Variants in TK2 observed in about 807,000 individuals in gnomAD.
The protein encoded by TK2 is thymidine kinase 2.
Under a neutral mutation model 41.9 loss-of-function variants are expected in TK2, and 35 were observed. The ratio of observed to expected loss-of-function variants is 0.84; its 90% CI spans 0.64 to 1.11. The LOEUF is 1.11. TK2 is among the 50% of genes least tolerant of loss of function. The probability of loss-of-function intolerance (pLI) is 0.00; values close to 1 mark genes in which losing one functional copy is unlikely to be tolerated. For missense variants in TK2, 320 were observed against 351.1 expected, an observed-to-expected ratio of 0.91 and a Z score of 0.71; for synonymous variants, 128 against 129.1, an observed-to-expected ratio of 0.99 and a Z score of 0.06.
chr16:66,527,413 G>C (rs1025295475), intron 6 of TK2, among the ~76,000 whole-genome samples: 1 of 152,164 alleles, frequency 6.6e-6, no homozygotes, highest in Non-Finnish European at 1.5e-5. Context: ...TCAAATGAAA[G>C]GTGCAAAACA....
intron 6 of TK2, among the ~76,000 whole-genome samples, chr16:66,520,043 A>G (rs1964734402): frequency 1.3e-5 from 2 of 152,178 alleles, no homozygotes; most frequent in Admixed American, 6.5e-5. Flanking sequence ...AGAGAAGAGT[A>G]TTTGACAGAG....
chr16:66,528,498 C>T (rs1965004208), intron 6 of TK2, among the ~76,000 whole-genome samples: 1 of 152,240 alleles, frequency 6.6e-6, no homozygotes, highest in Non-Finnish European at 1.5e-5. Flanking sequence ...ACTGGACCCT[C>T]CCACCTTTCC....
intron 6 of TK2, among the ~76,000 whole-genome samples, chr16:66,526,844 G>A (rs1488046838): frequency 5.9e-5 from 9 of 152,238 alleles, no homozygotes; most frequent in Admixed American, 5.9e-4. Flanking sequence ...ACTCTGCGAG[G>A]TTCATAGGTA....
chr16:66,528,858 T>C (rs1195719520), intron 6 of TK2, 136 bp downstream of exon 6: 16 of 830,568 alleles, frequency 1.9e-5, no homozygotes, highest in Non-Finnish European at 3.0e-5. Flanking sequence ...GGCTGTTTGT[T>C]ACACCGCATT....
At chr16:66,512,237 A>C (rs1052550714) in intron 9 of TK2, among the ~76,000 whole-genome samples, 171 bp from the exon 10 acceptor site, 10 of 152,192 alleles carry the variant, frequency 6.6e-5, no homozygotes, top group African/African-American at 2.4e-4. Flanking sequence ...CTCTAGGGCA[A>C]TCTACATTTC....
At chr16:66,527,164 G>A (rs531503955) in intron 6 of TK2, among the ~76,000 whole-genome samples, 9 of 152,320 alleles carry the variant, frequency 5.9e-5, no homozygotes, top group South Asian at 2.1e-4. Flanking sequence ...AAATGGGGCC[G>A]TAAGGTCAGG....
chr16:66,513,298 A>C lies in TK2; in HGVS notation c.699+433T>G, dbSNP rs191517064. Among the ~76,000 whole-genome samples the C allele has an allele frequency of 3.3e-5, 5 of 152,336 alleles. No homozygotes were observed. The East Asian group carries it at 9.6e-4, about 29-fold the overall frequency. On this transcript the variant is annotated intron_variant, in intron 9 of 9. Coordinates refer to ENST00000544898, the MANE Select transcript of TK2 (RefSeq NM_004614.5). ...CAGTTCCACACACCTCAGCATTCCT[A>C]AGGGCATCACTGTGTGACAGCCCAG...
intron 4 of TK2, among the ~76,000 whole-genome samples, chr16:66,532,696 A>G (rs929301233): frequency 2.4e-4 from 36 of 152,226 alleles, no homozygotes; most frequent in African/African-American, 7.5e-4. Context: ...TACAAGGAAA[A>G]CTATAAAACA....
chr16:66,531,439 C>T lies in TK2; in HGVS notation c.316G>A (p.Gly106Ser), dbSNP rs1271051050. The T allele has an allele frequency of 6.2e-7, 1 of 1,614,126 alleles. No individual in the cohort carries two copies. The highest frequency in any genetic ancestry group is 2.2e-5 in the East Asian group (1 of 44,880). Reference sequence around the variant, plus strand: ...TGCACATAAGTCTGTAGCGTAAGACCCCAGCGAGAGGCATCGTGGTACATC... The same window carrying T: ...TGCACATAAGTCTGTAGCGTAAGACTCCAGCGAGAGGCATCGTGGTACATC... Reference protein sequence around the residue: ...GLMYHDASRWGLTLQTYVQLT... With the variant: ...GLMYHDASRWSLTLQTYVQLT... Residue 106 changes from glycine (G) to serine (S), a missense_variant, in exon 5 of 10, where the codon GGT becomes AGT. By Grantham distance (56) the Gly-to-Ser change is moderately conservative. Coordinates refer to ENST00000544898, the MANE Select transcript of TK2 (RefSeq NM_004614.5).
At chr16:66,534,217 G>A (rs1031914747) in intron 4 of TK2, among the ~76,000 whole-genome samples, 1 of 152,010 alleles carries the variant, frequency 6.6e-6, no homozygotes, top group African/African-American at 2.4e-5. Flanking sequence ...TAGCAAGAAA[G>A]CCCTCAGCAG....
At position 66,517,853 on chromosome 16, in the gene TK2, A is replaced by G; in HGVS notation, c.474T>C (p.Tyr158=). The G allele has an allele frequency of 6.2e-7, 1 of 1,614,210 alleles. No individual in the cohort carries two copies. Among genetic ancestry groups the G allele is most frequent in the South Asian group, 1.1e-5 (1 of 91,090 alleles). The part of the protein sequence containing the change: ...YRSGKMPEVD[Y]VVLSEWFDWI... ...AGTCAAACCATTCCGACAGAACTAC[A>G]TAGTCCACTTCTGGCATCTTCCCAC... The change falls in exon 7 of 10, where the codon TAT becomes TAC. Residue 158 remains tyrosine, a synonymous_variant. Transcript: ENST00000544898. The surrounding 1 kb of genome is among the most constrained non-coding windows in gnomAD (Gnocchi z 4.3).
chr16:66,545,999 T>G (rs1345098781), intron 2 of TK2, among the ~76,000 whole-genome samples: 5 of 152,036 alleles, frequency 3.3e-5, no homozygotes, highest in Non-Finnish European at 7.4e-5. Flanking sequence ...GGTTTCTTTT[T>G]GGAGTAATGG....
At chr16:66,539,506 CAGG>C (rs1203568688) in intron 3 of TK2, among the ~76,000 whole-genome samples, 1 of 147,046 alleles carries the variant, frequency 6.8e-6, no homozygotes, top group Non-Finnish European at 1.5e-5. Flanking sequence ...GAGGCTGAAG[CAGG>C]AGAATTGCTT....
At chr16:66,512,361 G>A (rs903823783) in intron 9 of TK2, among the ~76,000 whole-genome samples, 7 of 152,204 alleles carry the variant, frequency 4.6e-5, no homozygotes, top group African/African-American at 1.2e-4. Context: ...CCAGGAGTTT[G>A]AGACCAGCCT....
chr16:66,537,858 A>T (rs1965334970), intron 3 of TK2, among the ~76,000 whole-genome samples: 2 of 152,184 alleles, frequency 1.3e-5, no homozygotes, highest in African/African-American at 4.8e-5. Context: ...CAATGCATGG[A>T]ACTCTTGAAA....
At chr16:66,544,084 A>C (rs1965535318) in intron 2 of TK2, among the ~76,000 whole-genome samples, 1 of 152,160 alleles carries the variant, frequency 6.6e-6, no homozygotes, top group South Asian at 2.1e-4. Flanking sequence ...GCATTTTAAC[A>C]GGTTGTTCAG....
intron 3 of TK2, among the ~76,000 whole-genome samples, chr16:66,540,270 T>A (rs1045059478): frequency 6.6e-6 from 1 of 151,038 alleles, no homozygotes; most frequent in South Asian, 2.1e-4. Flanking sequence ...CCTCCTGGGC[T>A]TAAATAATCC....
At chr16:66,533,690 A>G (rs1965188525) in intron 4 of TK2, among the ~76,000 whole-genome samples, 1 of 152,182 alleles carries the variant, frequency 6.6e-6, no homozygotes, top group South Asian at 2.1e-4. Flanking sequence ...ATGTGGCAGT[A>G]TGTAGCAGGT....
intron 2 of TK2, among the ~76,000 whole-genome samples, chr16:66,543,862 C>T (rs2144469675): frequency 6.6e-6 from 1 of 152,278 alleles, no homozygotes; most frequent in East Asian, 1.9e-4. Context: ...ACTCTCCCAT[C>T]CTGGGTCCCT....
Sources: allele counts gnomAD v4.1 joint callset (sites outside exome capture counted in the v4.1 genomes callset), GRCh38; gene constraint gnomAD v4.1.1; non-coding constraint Gnocchi (gnomAD v3.1); transcripts MANE v1.5; gene names NCBI Gene and HGNC (gene_info 2026-07-23, HGNC 2026-07-21).